Variants in RNLS observed in about 807,000 individuals in gnomAD.
RNLS encodes renalase.
A neutral mutation model predicts 39.8 loss-of-function variants in RNLS; 39 were observed. The observed-to-expected ratio is 0.98, with a 90% CI of 0.76 to 1.28. RNLS has a LOEUF of 1.28. RNLS is among the 50% of genes most tolerant of loss of function. The pLI is 0.00. For synonymous variants in RNLS, 147 were observed against 150.7 expected (o/e 0.98, Z 0.18); for missense variants, 410 against 413.3 (o/e 0.99, Z 0.07).
At chr10:88,261,600 AC>A in the RNLS span, among the ~76,000 whole-genome samples, 1 of 152,098 alleles carries the variant, frequency 6.6e-6, no homozygotes, top group Non-Finnish European at 1.5e-5. Flanking sequence ...TCATGTGGCC[AC>A]CCCTAGCTTC....
chr10:88,328,414 T>G (rs987479538), intron 5 of RNLS, among the ~76,000 whole-genome samples: 2 of 152,234 alleles, frequency 1.3e-5, no homozygotes, highest in Non-Finnish European at 2.9e-5. Context: ...GTTTGAATAT[T>G]TTAACAATAC....
chr10:88,451,024 C>G (rs1398049335), intron 4 of RNLS, among the ~76,000 whole-genome samples: 1 of 151,990 alleles, frequency 6.6e-6, no homozygotes, highest in African/African-American at 2.4e-5. Flanking sequence ...AAACCTGGGA[C>G]TAGCAGGAGT....
rs145233944 is a variant in RNLS, at chr10:88,333,782, T to C, written c.701-19141A>G. Among the ~76,000 whole-genome samples, 611 of 152,302 alleles carry C rather than the reference T, an allele frequency of 4.0e-3. 3 individuals are homozygous for C. Among genetic ancestry groups the C allele is most frequent in the South Asian group, 0.029 (138 of 4,828 alleles). ...GTGGGGCCGTTAGGAGGTGATTTGG[T>C]CATGAGGGCTACGACTTCTTGAATG... On this transcript the variant is annotated intron_variant, in intron 5 of 6. Coordinates refer to ENST00000331772, the MANE Select transcript of RNLS (RefSeq NM_001031709.3).
intron 4 of RNLS, among the ~76,000 whole-genome samples, chr10:88,523,037 T>C (rs1846855060): frequency 6.6e-6 from 1 of 152,110 alleles, no homozygotes; most frequent in African/African-American, 2.4e-5. Context: ...AGTGTGCAGC[T>C]ATATATTTAA....
At chr10:88,544,456 T>C (rs1848195723) in intron 4 of RNLS, among the ~76,000 whole-genome samples, 1 of 152,224 alleles carries the variant, frequency 6.6e-6, no homozygotes, top group South Asian at 2.1e-4. Context: ...TTGTCCCATT[T>C]CTTCTTACTA....
chr10:88,522,490 A>G (rs2134202119), intron 4 of RNLS, among the ~76,000 whole-genome samples: 1 of 152,228 alleles, frequency 6.6e-6, no homozygotes, highest in Non-Finnish European at 1.5e-5. Context: ...AGCTCCTGTG[A>G]AAACTGCAGG....
chr10:88,392,651 C>A (rs1589716923), intron 4 of RNLS, among the ~76,000 whole-genome samples: 1 of 152,330 alleles, frequency 6.6e-6, no homozygotes, highest in African/African-American at 2.4e-5. Context: ...GCACCAACTA[C>A]AAACAGCAAC....
At chr10:88,300,832 T>C (rs1844461818) in intron 6 of RNLS, among the ~76,000 whole-genome samples, 1 of 152,212 alleles carries the variant, frequency 6.6e-6, no homozygotes, top group South Asian at 2.1e-4. Flanking sequence ...TAAACTTTTT[T>C]TGTTTGTTAG....
intron 5 of RNLS, among the ~76,000 whole-genome samples, chr10:88,320,214 G>A (rs923630862): frequency 1.3e-5 from 2 of 149,786 alleles, no homozygotes; most frequent in Non-Finnish European, 3.0e-5. Context: ...ATAAATGAAG[G>A]ACAAATAAAG....
At chr10:88,315,989 T>G (rs1474199378) in intron 5 of RNLS, among the ~76,000 whole-genome samples, 2 of 152,210 alleles carry the variant, frequency 1.3e-5, no homozygotes, top group African/African-American at 4.8e-5. Flanking sequence ...TCATGTTTTG[T>G]GAAAGTACTT....
rs1436072814 is a variant in RNLS, at chr10:88,576,278, A to G, written c.368-3217T>C. 2.6e-5 allele frequency among the ~76,000 whole-genome samples: 4 copies of G among 152,116 alleles called. No homozygotes were observed. The East Asian group carries it at 7.7e-4, about 29-fold the overall frequency. ...GAGGCCAGGATCATGTCTCTTATTGACTTTTGTTTCCCCAGCACATAATAT... is the reference window on the plus strand; with the variant it reads ...GAGGCCAGGATCATGTCTCTTATTGGCTTTTGTTTCCCCAGCACATAATAT... On this transcript the variant is annotated intron_variant, in intron 3 of 6. Coordinates refer to ENST00000331772, the MANE Select transcript of RNLS (RefSeq NM_001031709.3).
intron 5 of RNLS, among the ~76,000 whole-genome samples, chr10:88,340,377 T>A (rs1847839663): frequency 6.6e-6 from 1 of 152,254 alleles, no homozygotes; most frequent in South Asian, 2.1e-4. Context: ...ATCTCTCCTA[T>A]GAAATACTTT....
intron 4 of RNLS, among the ~76,000 whole-genome samples, chr10:88,479,540 T>C (rs1844026788): frequency 6.6e-6 from 1 of 152,126 alleles, no homozygotes. Context: ...AATATTAGTG[T>C]CAATTTTAGA....
intron 4 of RNLS, among the ~76,000 whole-genome samples, chr10:88,371,373 G>A (rs1310073058): frequency 1.3e-5 from 2 of 152,052 alleles, no homozygotes; most frequent in African/African-American, 4.8e-5. Flanking sequence ...ATATCAGGAC[G>A]ATACTAAATC....
At chr10:88,482,495 CT>C (rs1243851721) in intron 4 of RNLS, among the ~76,000 whole-genome samples, 1 of 151,976 alleles carries the variant, frequency 6.6e-6, no homozygotes, top group Non-Finnish European at 1.5e-5. Flanking sequence ...CCATTTAATT[CT>C]TTTTTCTTTT....
chr10:88,213,355 C>A, the RNLS span, among the ~76,000 whole-genome samples: 1 of 151,854 alleles, frequency 6.6e-6, no homozygotes, highest in Non-Finnish European at 1.5e-5. Context: ...TGAGTGCCTT[C>A]TGCTTGTGTG....
At chr10:88,340,407 A>C (rs1482988277) in intron 5 of RNLS, among the ~76,000 whole-genome samples, 1 of 151,508 alleles carries the variant, frequency 6.6e-6, no homozygotes, top group Non-Finnish European at 1.5e-5. Context: ...GATAAACCTC[A>C]GGAGATTGAT....
At chr10:88,189,146 G>T in the RNLS span, among the ~76,000 whole-genome samples, 1 of 152,170 alleles carries the variant, frequency 6.6e-6, no homozygotes, top group East Asian at 1.9e-4. Context: ...ATATATGTAT[G>T]TATATATGTA....
intron 4 of RNLS, among the ~76,000 whole-genome samples, chr10:88,492,320 T>A (rs1202772753): frequency 6.6e-6 from 1 of 151,976 alleles, no homozygotes; most frequent in East Asian, 1.9e-4. Context: ...GTCCAATAAG[T>A]GGTATTGGAG....
Sources: allele counts gnomAD v4.1 joint callset (sites outside exome capture counted in the v4.1 genomes callset), GRCh38; gene constraint gnomAD v4.1.1; transcripts MANE v1.5; gene names NCBI Gene and HGNC (gene_info 2026-07-23, HGNC 2026-07-21).